Variants in TMEM232 observed in about 807,000 individuals in gnomAD.
The protein encoded by TMEM232 is transmembrane protein 232.
TMEM232 carries 80 observed loss-of-function variants against 78.8 expected under a neutral mutation model. That is an observed-to-expected ratio of 1.01 (90% CI 0.85 to 1.22). The LOEUF (loss-of-function observed/expected upper bound fraction) is 1.22. Among genes scored for constraint, TMEM232 ranks in the 50% most tolerant of loss-of-function variants. TMEM232 has a pLI of 0.00. For synonymous variants in TMEM232, 297 were observed against 254.3 expected, an observed-to-expected ratio of 1.17 and a Z score of -1.60; for missense variants, 881 against 742.2, an observed-to-expected ratio of 1.19 and a Z score of -2.17.
chr5:110,695,551 G>A (rs1314710276), intron 1 of TMEM232, among the ~76,000 whole-genome samples: 2 of 151,992 alleles, frequency 1.3e-5, no homozygotes, highest in African/African-American at 4.8e-5. Flanking sequence ...TTGATAGACT[G>A]CTAGCAAGAC....
chr5:110,638,120 G>T, intron 5 of TMEM232, 78 bp downstream of exon 5: 1 of 1,117,418 alleles, frequency 8.9e-7, no homozygotes, highest in South Asian at 1.9e-5. Flanking sequence ...GTTCTGTTTT[G>T]ATCCTAAAAC....
At position 110,708,143 on chromosome 5, in the gene TMEM232, G is replaced by A. The variant is rs1466816580; in HGVS notation, c.-13+18484C>T. ...TCTCTGCAAAAAAGCAGAGGGGCAG[G>A]TAAAGGTGACATTGTCTTGCACTTT... On this transcript the variant is annotated intron_variant, in intron 1 of 13. Transcript: ENST00000455884. 2.6e-5 allele frequency among the ~76,000 whole-genome samples: 4 copies of A among 152,190 alleles called. No homozygotes were observed. In the East Asian group the frequency reaches 7.7e-4, roughly 29 times the overall value.
intron 5 of TMEM232, among the ~76,000 whole-genome samples, chr5:110,637,308 C>T (rs145810055): frequency 0.01 from 1,523 of 151,502 alleles, 34 homozygotes; most frequent in African/African-American, 0.034. Context: ...GTTTTTTGCA[C>T]GGTTAATTTC....
chr5:110,610,861 G>A (rs1355937783), intron 8 of TMEM232, among the ~76,000 whole-genome samples: 2 of 152,016 alleles, frequency 1.3e-5, no homozygotes, highest in Non-Finnish European at 2.9e-5. Flanking sequence ...AAAAAGAAAT[G>A]GTGATAAATG....
chr5:110,711,941 C>T (rs991303185), intron 1 of TMEM232, among the ~76,000 whole-genome samples: 3 of 151,640 alleles, frequency 2.0e-5, no homozygotes, highest in Admixed American at 2.0e-4. Flanking sequence ...CCTGTCTCTA[C>T]TAAAAATACA....
chr5:110,584,112 T>C (rs1442253491), intron 10 of TMEM232, among the ~76,000 whole-genome samples: 2 of 151,748 alleles, frequency 1.3e-5, no homozygotes, highest in Non-Finnish European at 2.9e-5. Flanking sequence ...AAATTAAAAA[T>C]GGAAGGGCTA....
Position 110,420,641 on chromosome 5 carries a change from TCTC to T in TMEM232, c.1910_1912del (p.Arg637_Glu638delinsLys). On this transcript the variant is annotated inframe_deletion, in exon 14 of 14. Coordinates refer to ENST00000455884, the MANE Select transcript of TMEM232 (RefSeq NM_001039763.4). ...CTTGGTTTGCTTATGTAGTTTCTCT[TCTC>T]TTTTCTTCATAACTTCTTGAAAGTG... The T allele has an allele frequency of 6.6e-7, 1 of 1,525,570 alleles. No homozygotes were observed. The highest frequency in any genetic ancestry group is 1.7e-4 in the Middle Eastern group (1 of 5,958). 94.5% of individuals were successfully genotyped at this position (1,525,570 alleles called of 1,614,324 possible).
chr5:110,641,759 A>C (rs776241714), intron 3 of TMEM232, among the ~76,000 whole-genome samples: 51 of 152,162 alleles, frequency 3.4e-4, no homozygotes, highest in Non-Finnish European at 6.2e-4. Context: ...AACTGAATCC[A>C]ATGTAAAAAA....
At chr5:110,555,998 G>C (rs897841232) in intron 11 of TMEM232, among the ~76,000 whole-genome samples, 2 of 152,144 alleles carry the variant, frequency 1.3e-5, no homozygotes, top group East Asian at 3.9e-4. Flanking sequence ...GATTAATATT[G>C]ATATATGTGG....
intron 12 of TMEM232, among the ~76,000 whole-genome samples, chr5:110,477,749 C>G (rs541538341): frequency 6.6e-6 from 1 of 151,930 alleles, no homozygotes; most frequent in Non-Finnish European, 1.5e-5. Flanking sequence ...ACTACATCAA[C>G]ATCCATCAAA....
In TMEM232 at chr5:110,547,758, G is replaced by C. The variant is rs1446963381; in HGVS notation, c.1456-18923C>G. Among the ~76,000 whole-genome samples, 8 of 152,128 alleles carry C rather than the reference G, an allele frequency of 5.3e-5. No individual in the cohort carries two copies. The East Asian group carries it at 1.5e-3, about 29-fold the overall frequency. On this transcript the variant is annotated intron_variant, in intron 11 of 13. Transcript: ENST00000455884. ...CACACCTGTAATCCTAGAACTTTGG[G>C]AGGCTGAGATGGGCAGATCACTTGA... is the stretch of plus-strand genomic sequence containing the variant.
At chr5:110,730,091 A>C (rs1241167377), upstream of TMEM232, among the ~76,000 whole-genome samples, 2 of 152,254 alleles carry the variant, frequency 1.3e-5, no homozygotes, top group Non-Finnish European at 2.9e-5. Context: ...ACTATTAGTA[A>C]GTTACACAAT....
chr5:110,606,274 G>C lies in TMEM232; in HGVS notation c.916C>G (p.Leu306Val). The change falls in exon 9 of 14, where the codon CTG becomes GTG. Residue 306 changes from leucine (L) to valine (V), a missense_variant. Leu to Val is a conservative substitution (Grantham distance 32). Transcript: ENST00000455884. The stretch of plus-strand genomic sequence containing the variant: ...GCCTCCCCAAGGACCAGTAAAGCCA[G>C]TACTGAATCCAACCTGAAAATTTTA... ...LQKKCWLDSV[L>V]ALLVLGEAAK... The C allele has an allele frequency of 6.5e-7, 1 of 1,530,950 alleles. No homozygotes were observed. The highest frequency in any genetic ancestry group is 8.8e-7 in the Non-Finnish European group (1 of 1,134,376). The allele number at this position is 1,530,950 out of a possible 1,614,324, so 94.8% of individuals were successfully genotyped here.
chr5:110,626,179 A>C (rs990215564), intron 6 of TMEM232, among the ~76,000 whole-genome samples: 5 of 151,770 alleles, frequency 3.3e-5, no homozygotes, highest in African/African-American at 1.2e-4. Context: ...TTGTATGTGA[A>C]AGAAAGATTT....
At chr5:110,599,754 TCAA>T (rs1474685417) in intron 10 of TMEM232, among the ~76,000 whole-genome samples, 1 of 152,080 alleles carries the variant, frequency 6.6e-6, no homozygotes, top group Non-Finnish European at 1.5e-5. Context: ...ATTAGACAGA[TCAA>T]CGAGACAGGA....
At chr5:110,637,573 G>GTGTA (rs1019424958) in intron 5 of TMEM232, among the ~76,000 whole-genome samples, 1 of 149,782 alleles carries the variant, frequency 6.7e-6, no homozygotes, top group African/African-American at 2.5e-5. Flanking sequence ...GAACATATAT[G>GTGTA]TGTATATATA....
chr5:110,704,116 A>T (rs998379927), intron 1 of TMEM232, among the ~76,000 whole-genome samples: 30 of 151,878 alleles, frequency 2.0e-4, no homozygotes, highest in African/African-American at 7.3e-4. Flanking sequence ...AATTGATAAA[A>T]CTCTTTTTAC....
Position 110,404,620 on chromosome 5 carries a change from A to C in TMEM232, n.309-6766T>G, listed in dbSNP as rs543148368. 9.8e-5 allele frequency among the ~76,000 whole-genome samples: 15 copies of C among 152,300 alleles called. No homozygotes were observed. The South Asian group carries it at 1.9e-3, about 19-fold the overall frequency. ...TTTATCTGGCTTCCACTTCCAGTTT[A>C]TATGAAGAAGAGCTAAAAAATCTTT... On this transcript the variant is annotated intron_variant and non_coding_transcript_variant, in intron 2 of 8. Coordinates refer to the TMEM232 transcript ENST00000507188.
chr5:110,721,094 G>C (rs1312130563), intron 1 of TMEM232, among the ~76,000 whole-genome samples: 1 of 152,014 alleles, frequency 6.6e-6, no homozygotes, highest in Non-Finnish European at 1.5e-5. Flanking sequence ...AGGGGAAAAA[G>C]TTATTCCCGG....
Sources: allele counts gnomAD v4.1 joint callset (sites outside exome capture counted in the v4.1 genomes callset), GRCh38; gene constraint gnomAD v4.1.1; transcripts MANE v1.5; gene names NCBI Gene and HGNC (gene_info 2026-07-23, HGNC 2026-07-21).